Variants in SAE1 observed in about 807,000 individuals in gnomAD.
SAE1 encodes the protein SUMO1 activating enzyme subunit 1.
A neutral mutation model predicts 40.6 loss-of-function variants in SAE1; 11 were observed. The observed-to-expected ratio is 0.27, with a 90% confidence interval of 0.17 to 0.45. The LOEUF (loss-of-function observed/expected upper bound fraction) is 0.45. Among genes scored for constraint, SAE1 ranks in the 20% least tolerant of loss-of-function variants. The pLI is 1.00. For missense variants in SAE1, 373 were observed against 427.3 expected (o/e 0.87, Z 1.12); for synonymous variants, 155 against 154.3 (o/e 1.00, Z -0.03).
intron 2 of SAE1, 47 bp downstream of exon 2, chr19:47,143,652 C>T (rs370841253): frequency 2.6e-5 from 36 of 1,407,900 alleles, no homozygotes; most frequent in Non-Finnish European, 3.6e-5. Context: ...CTCCCCTTTC[C>T]AGCATGAAGA....
intron 7 of SAE1, among the ~76,000 whole-genome samples, chr19:47,201,805 T>C (rs2058657256): frequency 1.3e-5 from 2 of 151,902 alleles, no homozygotes; most frequent in African/African-American, 2.4e-5. Flanking sequence ...GGCTAACTTT[T>C]GTATTTTAGT....
chr19:47,153,557 C>T (rs1220568648), intron 4 of SAE1, among the ~76,000 whole-genome samples: 1 of 152,146 alleles, frequency 6.6e-6, no homozygotes, highest in African/African-American at 2.4e-5. Context: ...CCAAAACCCT[C>T]CAACTTGCTA....
chr19:47,143,834 C>G (rs530383247), intron 2 of SAE1, among the ~76,000 whole-genome samples: 3 of 152,272 alleles, frequency 2.0e-5, no homozygotes, highest in Admixed American at 1.3e-4. Flanking sequence ...TTGAGCTTGC[C>G]TGCCTGTAAA....
At chr19:47,139,544 A>G (rs1471366161) in intron 1 of SAE1, among the ~76,000 whole-genome samples, 1 of 150,772 alleles carries the variant, frequency 6.6e-6, no homozygotes, top group Non-Finnish European at 1.5e-5. Context: ...TGTTTGTGGA[A>G]CTTGAGGGAA....
intron 6 of SAE1, among the ~76,000 whole-genome samples, chr19:47,173,677 T>C (rs1470630507): frequency 6.6e-6 from 1 of 151,982 alleles, no homozygotes; most frequent in Non-Finnish European, 1.5e-5. Flanking sequence ...CCCACCCAGC[T>C]CTAACATCAA....
chr19:47,139,171 C>T (rs566575457), intron 1 of SAE1, among the ~76,000 whole-genome samples: 11 of 152,156 alleles, frequency 7.2e-5, no homozygotes, highest in African/African-American at 2.2e-4. Flanking sequence ...AGGCTGGTCT[C>T]GAACTCCTGA....
chr19:47,189,203 TC>T (rs1247873931), intron 6 of SAE1, among the ~76,000 whole-genome samples: 1 of 152,202 alleles, frequency 6.6e-6, no homozygotes, highest in East Asian at 1.9e-4. Flanking sequence ...GAAATTTATG[TC>T]ACCTGGGAGT....
At chr19:47,159,734 C>T (rs2058346862) in intron 5 of SAE1, among the ~76,000 whole-genome samples, 1 of 152,070 alleles carries the variant, frequency 6.6e-6, no homozygotes, top group South Asian at 2.1e-4. Flanking sequence ...TGCTGTGTCA[C>T]CCAGGCTGGA....
intron 7 of SAE1, among the ~76,000 whole-genome samples, chr19:47,202,704 G>A (rs1044411622): frequency 2.7e-5 from 4 of 150,030 alleles, no homozygotes; most frequent in African/African-American, 9.8e-5. Flanking sequence ...ACGAGGTCAA[G>A]AGATTGAGAC....
At chr19:47,168,102 A>G (rs2058405944) in intron 5 of SAE1, among the ~76,000 whole-genome samples, 1 of 152,146 alleles carries the variant, frequency 6.6e-6, no homozygotes, top group African/African-American at 2.4e-5. Context: ...CTGAGGCACG[A>G]GAATTGCTTG....
chr19:47,162,429 T>G (rs1317951166), intron 5 of SAE1, among the ~76,000 whole-genome samples: 1 of 152,222 alleles, frequency 6.6e-6, no homozygotes. Flanking sequence ...CTCAAGTGGT[T>G]TTATCAATTT....
At chr19:47,169,086 T>A (rs1004010071) in intron 5 of SAE1, among the ~76,000 whole-genome samples, 5 of 152,234 alleles carry the variant, frequency 3.3e-5, no homozygotes, top group Non-Finnish European at 7.3e-5. Flanking sequence ...TTATTTATTA[T>A]GTCATCCATC....
intron 1 of SAE1, among the ~76,000 whole-genome samples, chr19:47,137,881 ACC>A: frequency 6.6e-6 from 1 of 151,792 alleles, no homozygotes; most frequent in African/African-American, 2.4e-5. Context: ...GGCGCGTGCC[ACC>A]ACACCTGGCT....
intron 8 of SAE1, among the ~76,000 whole-genome samples, chr19:47,206,876 C>T (rs964035805): frequency 6.6e-6 from 1 of 152,228 alleles, no homozygotes; most frequent in Non-Finnish European, 1.5e-5. Context: ...CTCTAGCAGG[C>T]AGGTGCTTTT....
intron 5 of SAE1, among the ~76,000 whole-genome samples, chr19:47,167,336 T>G (rs2058400075): frequency 6.6e-6 from 1 of 150,930 alleles, no homozygotes; most frequent in South Asian, 2.1e-4. Flanking sequence ...GCACGATGGG[T>G]TCACGCCATT....
intron 2 of SAE1, among the ~76,000 whole-genome samples, chr19:47,147,143 A>T (rs1032823493): frequency 1.3e-5 from 2 of 151,056 alleles, no homozygotes; most frequent in African/African-American, 4.9e-5. Context: ...AGAGCAAAGC[A>T]AGGAAGGTGT....
intron 6 of SAE1, among the ~76,000 whole-genome samples, chr19:47,179,192 CAAAAA>C (rs1227213780): frequency 1.4e-5 from 1 of 72,274 alleles, no homozygotes; most frequent in Admixed American, 1.6e-4. Context: ...GCTCTGTCTC[CAAAAA>C]AAAAAAAAAA....
intron 7 of SAE1, 64 bp downstream of exon 7, chr19:47,197,441 T>C: frequency 6.9e-7 from 1 of 1,444,806 alleles, no homozygotes; most frequent in South Asian, 1.3e-5. Context: ...GGATTTGCCT[T>C]AATTTGACAA....
chr19:47,168,845 C>G (rs464343), intron 5 of SAE1, among the ~76,000 whole-genome samples: 1 of 152,036 alleles, frequency 6.6e-6, no homozygotes, highest in Non-Finnish European at 1.5e-5. Context: ...CTCAGGCGAT[C>G]CACCCGCCTC....
Sources: gnomAD v4.1 joint callset for allele counts (sites outside exome capture counted in the v4.1 genomes callset) on GRCh38, gnomAD v4.1.1 for gene constraint, MANE v1.5 for transcripts, NCBI Gene and HGNC (gene_info 2026-07-23, HGNC 2026-07-21) for gene names.